CDKAL1: variants seen among roughly 807,000 people sequenced by gnomAD.
CDKAL1 encodes CDKAL1 threonylcarbamoyladenosine tRNA methylthiotransferase, also known as threonylcarbamoyladenosine tRNA methylthiotransferase.
CDKAL1 carries 32 observed loss-of-function variants against 68.2 expected under a neutral mutation model. That is an observed-to-expected ratio of 0.47 (90% CI 0.35 to 0.63). The LOEUF is 0.63. Ranked by LOEUF, CDKAL1 falls within the 30% of genes least tolerant of loss-of-function variation. The pLI, the probability that CDKAL1 is intolerant of heterozygous loss-of-function variation, is 0.00. For synonymous variants in CDKAL1, 234 were observed against 244.3 expected, an observed-to-expected ratio of 0.96 and a Z score of 0.39; for missense variants, 606 against 696.7, an observed-to-expected ratio of 0.87 and a Z score of 1.47.
In CDKAL1 at chr6:20,711,991, G is replaced by A. The variant is rs555931409; in HGVS notation, c.372-27528G>A. 6.6e-5 allele frequency among the ~76,000 whole-genome samples: 10 copies of A among 152,224 alleles called. No homozygotes were observed. The South Asian group carries it at 1.9e-3, about 28-fold the overall frequency. ...TAATGAAGATGCCATGACTGACTTA[G>A]ACTTTTTTTTTTAACCCCACCTTTG... On this transcript the variant is annotated intron_variant, in intron 5 of 15. Transcript: ENST00000274695.
At chr6:20,575,291 A>G (rs1477999522) in intron 4 of CDKAL1, among the ~76,000 whole-genome samples, 2 of 152,054 alleles carry the variant, frequency 1.3e-5, no homozygotes, top group African/African-American at 2.4e-5. Flanking sequence ...GTCAGTTTTC[A>G]ACTTTAGATA....
At chr6:20,927,827 C>A (rs1239570004) in intron 9 of CDKAL1, among the ~76,000 whole-genome samples, 2 of 151,724 alleles carry the variant, frequency 1.3e-5, no homozygotes, top group African/African-American at 4.8e-5. Context: ...ATATTATTTT[C>A]TTTAGTAGTT....
At chr6:20,933,141 T>TAGCA (rs1401532560) in intron 9 of CDKAL1, among the ~76,000 whole-genome samples, 1 of 152,168 alleles carries the variant, frequency 6.6e-6, no homozygotes, top group Admixed American at 6.5e-5. Flanking sequence ...AAGCCACCAT[T>TAGCA]AGCAGTGTAG....
intron 8 of CDKAL1, among the ~76,000 whole-genome samples, chr6:20,790,179 A>G (rs1361478720): frequency 6.6e-6 from 1 of 152,230 alleles, no homozygotes; most frequent in African/African-American, 2.4e-5. Context: ...CCCATAGAAA[A>G]GCACAAAACA....
At chr6:20,614,534 T>G (rs1382583114) in intron 4 of CDKAL1, among the ~76,000 whole-genome samples, 1 of 152,184 alleles carries the variant, frequency 6.6e-6, no homozygotes, top group Non-Finnish European at 1.5e-5. Flanking sequence ...ATTCCTTCTC[T>G]CATATTTAAG....
At chr6:21,114,065 A>T (rs1198375932) in intron 13 of CDKAL1, among the ~76,000 whole-genome samples, 1 of 151,136 alleles carries the variant, frequency 6.6e-6, no homozygotes, top group Non-Finnish European at 1.5e-5. Flanking sequence ...TGGCTAACGC[A>T]GTGAAACCCC....
chr6:20,581,992 A>C (rs950335057), intron 4 of CDKAL1, among the ~76,000 whole-genome samples: 2 of 152,220 alleles, frequency 1.3e-5, no homozygotes, highest in Admixed American at 6.5e-5. Flanking sequence ...TAAGTTGTAT[A>C]GATAAGTGTA....
chr6:20,849,137 G>A (rs1758862976), intron 9 of CDKAL1, among the ~76,000 whole-genome samples: 1 of 152,052 alleles, frequency 6.6e-6, no homozygotes, highest in Non-Finnish European at 1.5e-5. Context: ...AAGCAGTTTG[G>A]ATTTGAAATA....
chr6:20,938,505 A>C (rs747775158), intron 9 of CDKAL1, among the ~76,000 whole-genome samples: 7 of 152,270 alleles, frequency 4.6e-5, no homozygotes, highest in Non-Finnish European at 8.8e-5. Context: ...GTGCACTTCT[A>C]TGTAGACTGA....
intron 15 of CDKAL1, among the ~76,000 whole-genome samples, chr6:21,221,043 T>G (rs1422469301): frequency 2.0e-5 from 3 of 151,996 alleles, no homozygotes; most frequent in African/African-American, 7.2e-5. Flanking sequence ...GGCACATGCC[T>G]GTAATCCCAG....
At chr6:20,650,903 C>T (rs1768732141) in intron 5 of CDKAL1, among the ~76,000 whole-genome samples, 1 of 151,958 alleles carries the variant, frequency 6.6e-6, no homozygotes, top group East Asian at 1.9e-4. Flanking sequence ...ATTCTGTTTC[C>T]TTGGTCTATG....
chr6:20,661,599 AAAAAAAC>A (rs1769287071), intron 5 of CDKAL1, among the ~76,000 whole-genome samples: 2 of 145,320 alleles, frequency 1.4e-5, no homozygotes, highest in African/African-American at 5.2e-5. Flanking sequence ...GTTTACATAA[AAAAAAAC>A]CAAATGAAAC....
chr6:21,229,398 G>A (rs1204456833), intron 15 of CDKAL1, among the ~76,000 whole-genome samples: 1 of 152,020 alleles, frequency 6.6e-6, no homozygotes, highest in African/African-American at 2.4e-5. Context: ...CTTACCACTG[G>A]ATTTTCTACC....
chr6:20,804,487 G>C (rs1304438694), intron 8 of CDKAL1, among the ~76,000 whole-genome samples: 4 of 152,016 alleles, frequency 2.6e-5, no homozygotes, highest in African/African-American at 7.3e-5. Context: ...TTAAACAGCT[G>C]GGGAAAATAA....
intron 7 of CDKAL1, among the ~76,000 whole-genome samples, chr6:20,776,892 C>T (rs527661464): frequency 3.3e-5 from 5 of 152,214 alleles, no homozygotes; most frequent in Non-Finnish European, 7.3e-5. Flanking sequence ...TAGGGCAAAA[C>T]AGGCCATGAA....
intron 4 of CDKAL1, among the ~76,000 whole-genome samples, chr6:20,640,288 G>A (rs1369956071): frequency 6.6e-6 from 1 of 152,166 alleles, no homozygotes; most frequent in East Asian, 1.9e-4. Context: ...TTAAATCCAT[G>A]AATAGACTCC....
At chr6:20,720,662 G>T (rs1772305287) in intron 5 of CDKAL1, among the ~76,000 whole-genome samples, 1 of 152,046 alleles carries the variant, frequency 6.6e-6, no homozygotes, top group Admixed American at 6.6e-5. Flanking sequence ...ACCAGGCCTG[G>T]CTAATTTTTG....
intron 4 of CDKAL1, among the ~76,000 whole-genome samples, chr6:20,602,619 G>GTC (rs1426111239): frequency 8.5e-5 from 13 of 152,286 alleles, no homozygotes; most frequent in Admixed American, 2.0e-4. Context: ...AGATGAACAG[G>GTC]TTACCTGATT....
intron 9 of CDKAL1, among the ~76,000 whole-genome samples, chr6:20,859,344 A>T (rs891195984): frequency 2.0e-5 from 3 of 152,200 alleles, no homozygotes; most frequent in Non-Finnish European, 4.4e-5. Flanking sequence ...TTCAGGGGAA[A>T]TCTGGAAGCC....
Sources: gnomAD v4.1 joint callset for allele counts (sites outside exome capture counted in the v4.1 genomes callset) on GRCh38, gnomAD v4.1.1 for gene constraint, MANE v1.5 for transcripts, NCBI Gene and HGNC (gene_info 2026-07-23, HGNC 2026-07-21) for gene names.